Variants in RMND5A observed in about 807,000 individuals in gnomAD.
The protein encoded by RMND5A is E3 ubiquitin-protein transferase RMND5A.
Under a neutral mutation model 49.7 loss-of-function variants are expected in RMND5A, and 17 were observed. The observed-to-expected ratio is 0.34, with a 90% CI of 0.23 to 0.51. The LOEUF (loss-of-function observed/expected upper bound fraction) is 0.51, where lower values mean the gene tolerates loss of function less well. Ranked by LOEUF, RMND5A falls within the 20% of genes least tolerant of loss-of-function variation. RMND5A has a pLI of 0.96. For synonymous variants in RMND5A, 156 were observed against 167.7 expected, an observed-to-expected ratio of 0.93 and a Z score of 0.54; for missense variants, 255 against 471.3, an observed-to-expected ratio of 0.54 and a Z score of 4.25.
intron 4 of RMND5A, among the ~76,000 whole-genome samples, chr2:86,756,501 C>G (rs990881348): frequency 2.0e-5 from 3 of 152,178 alleles, no homozygotes; most frequent in Admixed American, 2.0e-4. Flanking sequence ...GTTTTCCCTC[C>G]AGATAACACA....
Position 86,773,500 on chromosome 2 carries a change from G to A in RMND5A, c.*89G>A. 1.2e-6 allele frequency: 1 copy of A among 822,486 alleles called. No homozygotes were observed. Among genetic ancestry groups the A allele is most frequent in the South Asian group, 1.5e-5 (1 of 66,768 alleles). 50.9% of individuals were successfully genotyped at this position (822,486 alleles called of 1,614,324 possible). A position where few individuals can be genotyped will look rare whatever the true frequency, so the allele number is the denominator to read the frequency against. The stretch of plus-strand genomic sequence containing the variant: ...CGTTCCATATAATGCAGCTAACCAA[G>A]GACTCCTGTGTTTCTATAAGCTAAT... On this transcript the variant is annotated 3_prime_UTR_variant, in exon 9 of 9. Transcript: ENST00000283632.
intron 2 of RMND5A, among the ~76,000 whole-genome samples, chr2:86,747,780 G>T (rs1369221707): frequency 6.6e-6 from 1 of 152,118 alleles, no homozygotes; most frequent in African/African-American, 2.4e-5. Flanking sequence ...AGCCATTTCC[G>T]ACTGATTTGT....
At chr2:86,756,851 C>T (rs1163629847) in intron 4 of RMND5A, among the ~76,000 whole-genome samples, 3 of 152,090 alleles carry the variant, frequency 2.0e-5, no homozygotes, top group East Asian at 1.9e-4. Context: ...ACTGCCTATG[C>T]GGTGAGAAGG....
At chr2:86,750,127 A>G (rs112827007) in intron 2 of RMND5A, among the ~76,000 whole-genome samples, 1 of 152,258 alleles carries the variant, frequency 6.6e-6, no homozygotes, top group Non-Finnish European at 1.5e-5. Flanking sequence ...CAAAACATTT[A>G]TTAGGGAGCA....
At chr2:86,738,555 TG>T (rs1681418597) in intron 1 of RMND5A, among the ~76,000 whole-genome samples, 1 of 59,438 alleles carries the variant, frequency 1.7e-5, no homozygotes, top group South Asian at 5.0e-4. Context: ...AAAAAAAAAA[TG>T]TTTTTTGTGG....
chr2:86,768,572 G>A (rs901155152), intron 6 of RMND5A, among the ~76,000 whole-genome samples: 2 of 152,206 alleles, frequency 1.3e-5, no homozygotes, highest in Non-Finnish European at 2.9e-5. Flanking sequence ...TGGCAACAAG[G>A]TGTCTCCCAT....
intron 2 of RMND5A, among the ~76,000 whole-genome samples, chr2:86,743,614 G>A (rs1315510464): frequency 6.6e-6 from 1 of 151,872 alleles, no homozygotes; most frequent in African/African-American, 2.4e-5. Context: ...CCAAAAAATT[G>A]TTTCATGTTC....
At chr2:86,754,273 C>T (rs1047054121) in intron 4 of RMND5A, among the ~76,000 whole-genome samples, 1 of 152,236 alleles carries the variant, frequency 6.6e-6, no homozygotes, top group Non-Finnish European at 1.5e-5. Context: ...TGTATGTGGC[C>T]TGTGCCATAG....
chr2:86,767,855 A>G (rs1391181801), intron 6 of RMND5A, among the ~76,000 whole-genome samples: 3 of 152,232 alleles, frequency 2.0e-5, no homozygotes, highest in Non-Finnish European at 4.4e-5. Context: ...AAAGTGATCA[A>G]AGTAGTACTA....
At chr2:86,729,239 A>G (rs1190412810) in intron 1 of RMND5A, among the ~76,000 whole-genome samples, 1 of 152,206 alleles carries the variant, frequency 6.6e-6, no homozygotes, top group African/African-American at 2.4e-5. Flanking sequence ...TGAAAGGGGG[A>G]AAAAACAAGA....
intron 4 of RMND5A, among the ~76,000 whole-genome samples, chr2:86,763,943 A>C (rs1377625377): frequency 6.6e-6 from 1 of 152,224 alleles, no homozygotes; most frequent in Non-Finnish European, 1.5e-5. Context: ...CTTTGAAGTC[A>C]AAGAAGCCTC....
intron 2 of RMND5A, among the ~76,000 whole-genome samples, chr2:86,743,829 T>C (rs1398777470): frequency 6.6e-6 from 1 of 151,056 alleles, no homozygotes; most frequent in Non-Finnish European, 1.5e-5. Flanking sequence ...CTACTAAAAA[T>C]ACAAAAAAAA....
At chr2:86,733,984 AG>A (rs1221468396) in intron 1 of RMND5A, among the ~76,000 whole-genome samples, 168 of 150,652 alleles carry the variant, frequency 1.1e-3, no homozygotes, top group Non-Finnish European at 1.8e-3. Context: ...CTCTCCCAGT[AG>A]GACTTATAGA....
At chr2:86,773,115 T>C (rs2104414185) in intron 8 of RMND5A, among the ~76,000 whole-genome samples, 1 of 152,366 alleles carries the variant, frequency 6.6e-6, no homozygotes, top group East Asian at 1.9e-4. Flanking sequence ...TTTGTTTTGT[T>C]TAAGAAACAA....
At chr2:86,748,327 A>T (rs758953069) in intron 2 of RMND5A, 5 of 152,244 alleles carry the variant, frequency 3.3e-5, no homozygotes, top group African/African-American at 4.8e-5. Context: ...CCAGAAAATA[A>T]GCTATGGAAG....
intron 4 of RMND5A, among the ~76,000 whole-genome samples, chr2:86,758,345 T>C (rs193140283): frequency 6.6e-6 from 1 of 152,288 alleles, no homozygotes; most frequent in East Asian, 1.9e-4. Flanking sequence ...TATTTGCCTA[T>C]ATCAGAGCAT....
rs1052410309 is a variant in RMND5A at position 86,777,654 on chromosome 2, G to A, written c.*4243G>A. The A allele has an allele frequency of 6.6e-5, 10 of 152,154 alleles. No individual in the cohort carries two copies. The highest frequency in any genetic ancestry group is 1.9e-4 in the East Asian group (1 of 5,202). The allele number at this position is 152,154 out of a possible 1,614,324, so 9.4% of individuals were successfully genotyped here. On this transcript the variant is annotated 3_prime_UTR_variant, in exon 9 of 9. Transcript: ENST00000283632. ...TTTCTATAATTATGTAACGAGAATA[G>A]TGTTGCACTGTAATCTATCATATAG...
At chr2:86,743,265 A>G (rs1226754298) in intron 2 of RMND5A, among the ~76,000 whole-genome samples, 1 of 152,144 alleles carries the variant, frequency 6.6e-6, no homozygotes, top group Non-Finnish European at 1.5e-5. Context: ...ACACATTTAT[A>G]ATGAATAATC....
At chr2:86,754,748 A>G (rs908176958) in intron 4 of RMND5A, among the ~76,000 whole-genome samples, 1 of 151,896 alleles carries the variant, frequency 6.6e-6, no homozygotes, top group African/African-American at 2.4e-5. Flanking sequence ...TTTTGTAGAG[A>G]CAGGATCTCA....
Sources: gnomAD v4.1 joint callset for allele counts (sites outside exome capture counted in the v4.1 genomes callset) on GRCh38, gnomAD v4.1.1 for gene constraint, MANE v1.5 for transcripts, NCBI Gene and HGNC (gene_info 2026-07-23, HGNC 2026-07-21) for gene names.